The following ZNF75A variants were observed in gnomAD, a reference collection of about 807,000 sequenced individuals.
ZNF75A encodes zinc finger protein 75A.
In ZNF75A, 36 loss-of-function variants were observed where a neutral mutation model predicts 46.3. The ratio of observed to expected loss-of-function variants is 0.78; its 90% CI spans 0.60 to 1.03. The LOEUF is 1.03. Ranked by LOEUF, ZNF75A falls within the 50% of genes least tolerant of loss-of-function variation. The pLI, the probability that ZNF75A is intolerant of heterozygous loss-of-function variation, is 0.00. For missense variants in ZNF75A, 595 were observed against 551.3 expected (o/e 1.08, Z -0.79); for synonymous variants, 234 against 189.9 (o/e 1.23, Z -1.91).
At chr16:3,316,264 C>T (rs1342827819) in intron 5 of ZNF75A, 1 of 152,224 alleles carries the variant, frequency 6.6e-6, no homozygotes. Context: ...GTGCCTAACA[C>T]ACCATAGCCA....
At chr16:3,317,091 G>A (rs1961269949) in intron 6 of ZNF75A, 69 bp downstream of exon 6, 2 of 1,537,548 alleles carry the variant, frequency 1.3e-6, no homozygotes. Context: ...AACATTTTAA[G>A]ATTTTGTTCC....
chr16:3,318,284 A>G lies in ZNF75A; in HGVS notation c.*415A>G. 4 of 989,572 alleles carry G rather than the reference A, an allele frequency of 4.0e-6. No individual in the cohort carries two copies. Among genetic ancestry groups the G allele is most frequent in the Non-Finnish European group, 4.8e-6 (4 of 832,830 alleles). 61.3% of individuals were successfully genotyped at this position (989,572 alleles called of 1,614,324 possible). On this transcript the variant is annotated 3_prime_UTR_variant, in exon 7 of 7. Coordinates refer to ENST00000669516, the MANE Select transcript of ZNF75A (RefSeq NM_001302109.2). ...CAAATTGGATTTTCTTTCTTTTGTC[A>G]TTGGACACGGTTTGCAAAGTTGGAC...
intron 5 of ZNF75A, 108 bp downstream of exon 5, chr16:3,313,283 A>C: frequency 2.6e-6 from 3 of 1,162,902 alleles, no homozygotes; most frequent in Non-Finnish European, 2.5e-6. Context: ...GTTGATTCTC[A>C]TCTAGATGGT....
chr16:3,313,534 A>G (rs1596396685), intron 5 of ZNF75A, among the ~76,000 whole-genome samples: 1 of 152,176 alleles, frequency 6.6e-6, no homozygotes, highest in East Asian at 1.9e-4. Context: ...TTAATTCATT[A>G]GCAAGTTTTC....
At position 3,311,614 on chromosome 16, in the gene ZNF75A, T is replaced by C. The variant is rs77266102; in HGVS notation, c.409-139T>C. 8.4e-3 allele frequency: 1,756 copies of C among 209,932 alleles called. 35 individuals carry two copies. Among genetic ancestry groups the C allele is most frequent in the African/African-American group, 0.038 (1,639 of 42,582 alleles). 13.0% of individuals were successfully genotyped at this position (209,932 alleles called of 1,614,324 possible). On this transcript the variant is annotated intron_variant, in intron 2 of 6. Transcript: ENST00000669516. The stretch of plus-strand genomic sequence containing the variant: ...CATTTGTGGAGCATTGGTGGCCCAG[T>C]ATCTCTTTAAGCCTTTTTTTGTCAT...
At chr16:3,322,916 A>G (rs2029999151), downstream of ZNF75A, 2 of 985,252 alleles carry the variant, frequency 2.0e-6, no homozygotes, top group Admixed American at 6.2e-5. Context: ...AAACCCTAGG[A>G]TAGAAGATTC....
downstream of ZNF75A, among the ~76,000 whole-genome samples, chr16:3,319,270 C>T (rs372780135): frequency 2.0e-4 from 31 of 152,204 alleles, no homozygotes; most frequent in South Asian, 5.4e-3. Context: ...CCCACCACCA[C>T]GCCTGGCTAA....
downstream of ZNF75A, among the ~76,000 whole-genome samples, chr16:3,320,073 T>C (rs1961470533): frequency 6.6e-6 from 1 of 151,302 alleles, no homozygotes; most frequent in Non-Finnish European, 1.5e-5. Context: ...TGAGACGGAG[T>C]CTCGCTCTGT....
rs748151989 is a variant in ZNF75A, at chr16:3,317,035, T to C, written c.934+13T>C. Reference sequence around the variant, plus strand: ...AAATCTCCTACAGGTAAATATACCATGGGAAGTGGAGAAATGTGCCTTGAT... The same window carrying C: ...AAATCTCCTACAGGTAAATATACCACGGGAAGTGGAGAAATGTGCCTTGAT... On this transcript the variant is annotated intron_variant, in intron 6 of 6. Coordinates refer to ENST00000669516, the MANE Select transcript of ZNF75A (RefSeq NM_001302109.2). The C allele has an allele frequency of 4.4e-6, 7 of 1,605,308 alleles. No individual in the cohort carries two copies. The East Asian group carries it at 1.6e-4, about 36-fold the overall frequency.
At chr16:3,309,451 CA>C (rs56710056) in intron 2 of ZNF75A, 58,477 of 112,032 alleles carry the variant, frequency 0.52, 14,191 homozygotes, top group African/African-American at 0.7. Context: ...CTCCATCTCA[CA>C]AAAAAAAAAA....
chr16:3,311,437 C>CAA (rs60757185), intron 2 of ZNF75A, among the ~76,000 whole-genome samples: 5 of 112,224 alleles, frequency 4.5e-5, no homozygotes, highest in Non-Finnish European at 5.9e-5. Context: ...AAACTCATCT[C>CAA]AAAAAAAAAA....
chr16:3,310,740 C>G, intron 2 of ZNF75A: 1 of 985,452 alleles, frequency 1.0e-6, no homozygotes, highest in Non-Finnish European at 1.2e-6. Flanking sequence ...ACAGAATAGC[C>G]AAGGACAGGA....
At chr16:3,305,963 C>T (rs762069098) in intron 1 of ZNF75A, 1 of 152,258 alleles carries the variant, frequency 6.6e-6, no homozygotes, top group Non-Finnish European at 1.5e-5. Context: ...CCCGCAGACT[C>T]TTTCCCGCCT....
chr16:3,315,114 C>T (rs1397052278), intron 5 of ZNF75A: 8 of 984,440 alleles, frequency 8.1e-6, no homozygotes, highest in African/African-American at 3.5e-5. Context: ...CAAACCTTCT[C>T]CATCATGTTT....
rs1961262621 is a variant in ZNF75A at position 3,317,020 on chromosome 16, C to T, written c.932C>T (p.Thr311Ile). The T allele has an allele frequency of 1.2e-6, 2 of 1,611,968 alleles. No individual in the cohort carries two copies. Among genetic ancestry groups the T allele is most frequent in the Non-Finnish European group, 8.5e-7 (1 of 1,178,182 alleles). ...AAGGATAGTGCCGGAAAATCTCCTA[C>T]AGGTAAATATACCATGGGAAGTGGA... ...EFKDSAGKSP[T>I]GLKLKNDTEN... is the part of the protein sequence containing the mutation. Residue 311 changes from threonine to isoleucine, a missense_variant and splice_region_variant, in exon 6 of 7, where the codon ACA becomes ATA. Transcript: ENST00000669516.
rs1481656177 is a variant in ZNF75A at position 3,308,444 on chromosome 16, C to G, written c.16C>G (p.Leu6Val). The G allele has an allele frequency of 3.0e-6, 3 of 985,758 alleles. No individual in the cohort carries two copies. The African/African-American group carries it at 5.2e-5, about 17-fold the overall frequency. The allele number at this position is 985,758 out of a possible 1,614,324, so 61.1% of individuals were successfully genotyped here. Residue 6 changes from leucine (L) to valine (V), a missense_variant, in exon 2 of 7, where the codon CTG becomes GTG. Transcript: ENST00000669516. Reference protein sequence around the residue: MMMVDLKVAAYLDPQI... With the variant: MMMVDVKVAAYLDPQI... ...CTAGAGCAGAATGATGATGGTAGAT[C>G]TGAAAGTGGCTGCGTACTTGGACCC...
In ZNF75A at chr16:3,317,742, G is replaced by C. The variant is rs780565816; in HGVS notation, c.1487G>C (p.Ser496Thr). The C allele has an allele frequency of 1.2e-6, 2 of 1,614,198 alleles. No individual in the cohort carries two copies. Among genetic ancestry groups the C allele is most frequent in the Admixed American group, 3.3e-5 (2 of 60,030 alleles). Residue 496 changes from serine to threonine, a missense_variant, in exon 7 of 7, where the codon AGT (serine) becomes ACT (threonine). Ser to Thr is a moderately conservative substitution (Grantham distance 58, BLOSUM62 1). Transcript: ENST00000669516. Reference sequence around the variant, plus strand: ...TGTCATGAATGTGGAAAAAAATTCAGTCAGAACTCCCACCTTATTAAACAC... The same window carrying C: ...TGTCATGAATGTGGAAAAAAATTCACTCAGAACTCCCACCTTATTAAACAC... ...FTCHECGKKF[S>T]QNSHLIKHRR...
intron 2 of ZNF75A, chr16:3,311,077 AAGAC>A (rs1960738749): frequency 2.0e-6 from 1 of 490,730 alleles, no homozygotes; most frequent in Non-Finnish European, 2.6e-6. Flanking sequence ...AGAAAACTAG[AAGAC>A]AGAAAACCAC....
At chr16:3,314,279 A>G (rs892985009) in intron 5 of ZNF75A, among the ~76,000 whole-genome samples, 5 of 152,200 alleles carry the variant, frequency 3.3e-5, no homozygotes, top group Non-Finnish European at 7.4e-5. Context: ...AACAAGAGAA[A>G]TATCCTCTGG....
Sources: gnomAD v4.1 joint callset for allele counts (sites outside exome capture counted in the v4.1 genomes callset) on GRCh38, gnomAD v4.1.1 for gene constraint, MANE v1.5 for transcripts, NCBI Gene and HGNC (gene_info 2026-07-23, HGNC 2026-07-21) for gene names.